The following EVI5 variants were observed in gnomAD, a reference collection of about 807,000 sequenced individuals.
EVI5 encodes ecotropic viral integration site 5 protein homolog.
In EVI5, 73 loss-of-function variants were observed where a neutral mutation model predicts 112.0. The ratio of observed to expected loss-of-function variants is 0.65; its 90% CI spans 0.54 to 0.79. EVI5 has a LOEUF of 0.79. Among genes scored for constraint, EVI5 ranks in the 30% least tolerant of loss-of-function variants. The pLI, the probability that EVI5 is intolerant of heterozygous loss-of-function variation, is 0.00. For synonymous variants in EVI5, 305 were observed against 319.9 expected, an observed-to-expected ratio of 0.95 and a Z score of 0.50; for missense variants, 900 against 968.8, an observed-to-expected ratio of 0.93 and a Z score of 0.94.
intron 5 of EVI5, among the ~76,000 whole-genome samples, chr1:92,699,597 G>A (rs1670828566): frequency 6.6e-6 from 1 of 152,098 alleles, no homozygotes; most frequent in Non-Finnish European, 1.5e-5. Flanking sequence ...GAACATCATA[G>A]AGTGCACCTA....
intron 18 of EVI5, among the ~76,000 whole-genome samples, chr1:92,575,301 T>C (rs1422564747): frequency 6.6e-6 from 1 of 152,200 alleles, no homozygotes; most frequent in Admixed American, 6.5e-5. Context: ...GAATGTAAAT[T>C]GCAGGTGTCA....
chr1:92,740,275 T>C (rs1267197491), intron 1 of EVI5, among the ~76,000 whole-genome samples: 2 of 152,300 alleles, frequency 1.3e-5, no homozygotes, highest in African/African-American at 4.8e-5. Context: ...CAAGTAGCTT[T>C]TAACACAGAA....
In EVI5 at chr1:92,624,292, T is replaced by G; in HGVS notation, c.1711A>C (p.Lys571Gln). Residue 571 changes from lysine (K) to glutamine (Q), a missense_variant, in exon 16 of 20, where the codon AAG becomes CAG. Coordinates refer to ENST00000684568, the MANE Select transcript of EVI5 (RefSeq NM_001350197.2). ...TGTAACTCATTCATAGCATTTTTCT[T>G]GGGTGGGTCTTTCCATCTCCCAGTA... ...RTTGRWKDPPKKNAMNELQDE... is the reference protein window; with the variant it reads ...RTTGRWKDPPQKNAMNELQDE... 6.2e-7 allele frequency: 1 copy of G among 1,613,818 alleles called. No individual in the cohort carries two copies. Among genetic ancestry groups the G allele is most frequent in the African/African-American group, 1.3e-5 (1 of 75,018 alleles).
intron 13 of EVI5, among the ~76,000 whole-genome samples, chr1:92,642,402 C>T (rs865848667): frequency 2.6e-5 from 4 of 152,076 alleles, no homozygotes; most frequent in African/African-American, 7.2e-5. Flanking sequence ...AAAAAATCTC[C>T]GTCCAGATTT....
At position 92,559,759 on chromosome 1, in the gene EVI5, G is replaced by A. The variant is rs1205562899; in HGVS notation, c.2166+3883C>T. Among the ~76,000 whole-genome samples, 5 of 100,546 alleles carry A rather than the reference G, an allele frequency of 5.0e-5. No homozygotes were observed. In the Admixed American group the frequency reaches 8.2e-4, roughly 16 times the overall value. 66.0% of individuals were successfully genotyped at this position (100,546 alleles called of 152,430 possible). On this transcript the variant is annotated intron_variant, in intron 19 of 19. Coordinates refer to ENST00000684568, the MANE Select transcript of EVI5 (RefSeq NM_001350197.2). ...AGTGCACTCCAGCCTGGGAGACAGA[G>A]CAAGACTCCCTCTCAAAAAAAAAAA...
chr1:92,742,976 G>C (rs1280082173), intron 1 of EVI5, among the ~76,000 whole-genome samples: 2 of 152,126 alleles, frequency 1.3e-5, no homozygotes, highest in Non-Finnish European at 2.9e-5. Context: ...AGCCAAAAGG[G>C]ATAAACAACC....
upstream of EVI5, among the ~76,000 whole-genome samples, chr1:92,788,498 AAAC>A (rs1352801247): frequency 7.2e-6 from 1 of 138,736 alleles, no homozygotes; most frequent in Admixed American, 7.2e-5. Context: ...AAACAAAACA[AAAC>A]AAAAAAAAAA....
intron 18 of EVI5, among the ~76,000 whole-genome samples, chr1:92,564,979 T>G (rs2100920928): frequency 6.6e-6 from 1 of 152,280 alleles, no homozygotes; most frequent in Middle Eastern, 3.4e-3. Flanking sequence ...ATGCCTGGCC[T>G]AGATAAAGAA....
intron 13 of EVI5, among the ~76,000 whole-genome samples, chr1:92,652,671 A>G (rs1662332737): frequency 6.6e-6 from 1 of 152,242 alleles, no homozygotes; most frequent in Non-Finnish European, 1.5e-5. Flanking sequence ...GGATAAGGGA[A>G]ATGTGGTGTG....
intron 1 of EVI5, among the ~76,000 whole-genome samples, chr1:92,783,529 G>C: frequency 7.5e-6 from 1 of 133,102 alleles, no homozygotes; most frequent in South Asian, 2.5e-4. Flanking sequence ...AAAAGAAAAA[G>C]AAGGCCGGGC....
intron 1 of EVI5, among the ~76,000 whole-genome samples, chr1:92,750,335 G>T (rs115899141): frequency 0.013 from 1,945 of 152,130 alleles, 29 homozygotes; most frequent in Non-Finnish European, 0.016. Flanking sequence ...TACTTAAGAG[G>T]TTTATTTTAA....
chr1:92,509,953 A>G lies in EVI5; in HGVS notation c.*3703T>C, dbSNP rs1383381684. On this transcript the variant is annotated 3_prime_UTR_variant, in exon 20 of 20. Transcript: ENST00000684568. ...TAAAATTCATCGAGAACATTGTTCA[A>G]TGCTTCAAAGTCTTGAACAACATAC... The G allele has an allele frequency of 6.6e-6, 1 of 152,232 alleles. No individual in the cohort carries two copies. The highest frequency in any genetic ancestry group is 1.5e-5 in the Non-Finnish European group (1 of 68,050). 9.4% of individuals were successfully genotyped at this position (152,232 alleles called of 1,614,324 possible). A position where few individuals can be genotyped will look rare whatever the true frequency, so the allele number is the denominator to read the frequency against.
chr1:92,540,889 C>A (rs1557743547), intron 19 of EVI5, among the ~76,000 whole-genome samples: 1 of 152,052 alleles, frequency 6.6e-6, no homozygotes, highest in Non-Finnish European at 1.5e-5. Flanking sequence ...GCCTGGCCAA[C>A]ATGGTGAAAC....
At chr1:92,596,994 T>C (rs1648060293) in intron 18 of EVI5, among the ~76,000 whole-genome samples, 1 of 152,186 alleles carries the variant, frequency 6.6e-6, no homozygotes, top group African/African-American at 2.4e-5. Flanking sequence ...AGTTTTCTCA[T>C]TTGATCCCAA....
chr1:92,712,061 C>A (rs770446762), intron 2 of EVI5, among the ~76,000 whole-genome samples: 35 of 152,082 alleles, frequency 2.3e-4, no homozygotes, highest in Non-Finnish European at 4.4e-4. Flanking sequence ...TCCCAAAGGC[C>A]CAATATATTA....
At chr1:92,519,401 T>C (rs1161424198) in intron 19 of EVI5, among the ~76,000 whole-genome samples, 1 of 151,998 alleles carries the variant, frequency 6.6e-6, no homozygotes, top group Non-Finnish European at 1.5e-5. Flanking sequence ...ATAGAGGAGA[T>C]TAACACATAA....
At chr1:92,572,670 A>G (rs1165062178) in intron 18 of EVI5, among the ~76,000 whole-genome samples, 1 of 152,040 alleles carries the variant, frequency 6.6e-6, no homozygotes, top group East Asian at 1.9e-4. Flanking sequence ...TACCACCCTA[A>G]CTCCATGGGT....
chr1:92,604,269 CT>C (rs1242951881), intron 18 of EVI5, among the ~76,000 whole-genome samples: 2 of 151,634 alleles, frequency 1.3e-5, no homozygotes, highest in Non-Finnish European at 2.9e-5. Context: ...CTGATGAGGA[CT>C]GCTTGAGCCA....
At chr1:92,620,165 A>G (rs1158229095) in intron 16 of EVI5, among the ~76,000 whole-genome samples, 5 of 152,028 alleles carry the variant, frequency 3.3e-5, no homozygotes, top group Admixed American at 3.3e-4. Context: ...ACCAACATGG[A>G]GAAACCCCGT....
Sources: allele counts gnomAD v4.1 joint callset (sites outside exome capture counted in the v4.1 genomes callset), GRCh38; gene constraint gnomAD v4.1.1; transcripts MANE v1.5; gene names NCBI Gene and HGNC (gene_info 2026-07-23, HGNC 2026-07-21).